Variants in PARVA observed in about 807,000 individuals in gnomAD.
The protein encoded by PARVA is alpha-parvin.
A neutral mutation model predicts 52.6 loss-of-function variants in PARVA; 25 were observed. That is an observed-to-expected ratio of 0.48 (90% confidence interval 0.35 to 0.66). The LOEUF is 0.66. Among genes scored for constraint, PARVA ranks in the 30% least tolerant of loss-of-function variants. The pLI, the probability that PARVA is intolerant of heterozygous loss-of-function variation, is 0.01. For synonymous variants in PARVA, 185 were observed against 179.1 expected, an observed-to-expected ratio of 1.03 and a Z score of -0.26; for missense variants, 373 against 450.9, an observed-to-expected ratio of 0.83 and a Z score of 1.56.
chr11:12,482,827 T>G (rs1268056767), intron 4 of PARVA, among the ~76,000 whole-genome samples: 1 of 152,178 alleles, frequency 6.6e-6, no homozygotes, highest in African/African-American at 2.4e-5. Flanking sequence ...TTCAGTTATG[T>G]CCACCTGGCC....
chr11:12,466,825 C>T (rs115233929), intron 1 of PARVA, among the ~76,000 whole-genome samples: 222 of 152,068 alleles, frequency 1.5e-3, no homozygotes, highest in African/African-American at 5.0e-3. Context: ...TGGTAGTGTT[C>T]GTCCTCCAAC....
At chr11:12,409,104 A>G (rs1939955802) in intron 1 of PARVA, among the ~76,000 whole-genome samples, 1 of 152,226 alleles carries the variant, frequency 6.6e-6, no homozygotes, top group South Asian at 2.1e-4. Context: ...AATTTTCCTA[A>G]GGACATATGG....
chr11:12,487,923 A>G (rs1941182426), intron 4 of PARVA, among the ~76,000 whole-genome samples: 1 of 152,158 alleles, frequency 6.6e-6, no homozygotes, highest in Non-Finnish European at 1.5e-5. Flanking sequence ...ACTGCCATGG[A>G]AAGGAGACAG....
intron 1 of PARVA, among the ~76,000 whole-genome samples, chr11:12,385,290 C>T (rs1179032804): frequency 1.3e-5 from 2 of 152,134 alleles, no homozygotes; most frequent in Non-Finnish European, 2.9e-5. Flanking sequence ...GATCACACCA[C>T]TGCACTCCAG....
chr11:12,484,299 T>G (rs1941128595), intron 4 of PARVA, among the ~76,000 whole-genome samples: 2 of 152,194 alleles, frequency 1.3e-5, no homozygotes, highest in South Asian at 4.1e-4. Flanking sequence ...GTGGTATGTT[T>G]CATTTGACTG....
intron 10 of PARVA, 36 bp from the exon 11 acceptor site, chr11:12,517,574 T>G (rs1478911525): frequency 6.8e-7 from 1 of 1,462,202 alleles, no homozygotes; most frequent in Non-Finnish European, 9.4e-7. Flanking sequence ...GCTGGGAGGC[T>G]CAGGGGCCAG....
intron 1 of PARVA, among the ~76,000 whole-genome samples, chr11:12,436,644 G>A (rs991818703): frequency 1.3e-5 from 2 of 152,164 alleles, no homozygotes; most frequent in African/African-American, 2.4e-5. Context: ...AAGAAACAGT[G>A]TTTTGGGAAG....
chr11:12,405,144 G>A (rs890789471), intron 1 of PARVA, among the ~76,000 whole-genome samples: 1 of 152,018 alleles, frequency 6.6e-6, no homozygotes, highest in Non-Finnish European at 1.5e-5. Flanking sequence ...TTCTGGGCAA[G>A]AAAAAAGAGT....
At chr11:12,468,165 T>G (rs1347861862) in intron 1 of PARVA, among the ~76,000 whole-genome samples, 2 of 152,174 alleles carry the variant, frequency 1.3e-5, no homozygotes, top group Non-Finnish European at 2.9e-5. Context: ...TCTCCTTACA[T>G]CTCTGTCACC....
chr11:12,400,126 C>A (rs1325520765), intron 1 of PARVA, among the ~76,000 whole-genome samples: 3 of 152,024 alleles, frequency 2.0e-5, no homozygotes, highest in African/African-American at 7.3e-5. Context: ...GATATATATG[C>A]CTGATCAAAT....
intron 1 of PARVA, among the ~76,000 whole-genome samples, chr11:12,444,780 A>C (rs1940522435): frequency 6.6e-6 from 1 of 152,236 alleles, no homozygotes; most frequent in Admixed American, 6.5e-5. Flanking sequence ...AGATGAACCC[A>C]GAGGCATGCT....
intron 1 of PARVA, among the ~76,000 whole-genome samples, chr11:12,464,186 A>G (rs978238236): frequency 1.3e-5 from 2 of 152,150 alleles, no homozygotes; most frequent in Non-Finnish European, 2.9e-5. Flanking sequence ...TTAACACAGT[A>G]AGGAAATATA....
chr11:12,504,990 A>G (rs948110023), intron 6 of PARVA, among the ~76,000 whole-genome samples: 1 of 152,104 alleles, frequency 6.6e-6, no homozygotes, highest in East Asian at 1.9e-4. Flanking sequence ...TCACCCACTC[A>G]CAGAAGCACA....
chr11:12,441,648 G>T (rs891724741), intron 1 of PARVA, among the ~76,000 whole-genome samples: 21 of 152,056 alleles, frequency 1.4e-4, no homozygotes, highest in African/African-American at 4.6e-4. Flanking sequence ...AAATTAAAAC[G>T]CAAGACATAA....
intron 5 of PARVA, among the ~76,000 whole-genome samples, chr11:12,497,630 G>A (rs1048822775): frequency 6.6e-6 from 1 of 152,250 alleles, no homozygotes; most frequent in Non-Finnish European, 1.5e-5. Context: ...CAGCAGTGAC[G>A]CTGGGAACAG....
chr11:12,430,718 C>T (rs1280154648), intron 1 of PARVA, among the ~76,000 whole-genome samples: 1 of 152,178 alleles, frequency 6.6e-6, no homozygotes, highest in Non-Finnish European at 1.5e-5. Context: ...AAAGAGGGCC[C>T]ATGCCTGGCT....
At chr11:12,380,680 T>C (rs1398977146) in intron 1 of PARVA, among the ~76,000 whole-genome samples, 1 of 150,520 alleles carries the variant, frequency 6.6e-6, no homozygotes, top group Non-Finnish European at 1.5e-5. Context: ...CCGCTCGAAG[T>C]GAGCTCTCCA....
At chr11:12,470,160 C>T (rs900288644) in intron 1 of PARVA, among the ~76,000 whole-genome samples, 1 of 152,220 alleles carries the variant, frequency 6.6e-6, no homozygotes, top group Admixed American at 6.5e-5. Context: ...AGGTAAAATC[C>T]TTTGCATCCC....
At chr11:12,475,870 ACTGCCC>A (rs1282977352) in intron 3 of PARVA, among the ~76,000 whole-genome samples, 1 of 152,140 alleles carries the variant, frequency 6.6e-6, no homozygotes, top group African/African-American at 2.4e-5. Context: ...TCCATAGATG[ACTGCCC>A]CTGCCCAGTG....
Sources: gnomAD v4.1 joint callset for allele counts (sites outside exome capture counted in the v4.1 genomes callset) on GRCh38, gnomAD v4.1.1 for gene constraint, MANE v1.5 for transcripts, NCBI Gene and HGNC (gene_info 2026-07-23, HGNC 2026-07-21) for gene names.